The following SACM1L variants were observed in gnomAD, a reference collection of about 807,000 sequenced individuals.
SACM1L encodes SAC1 like phosphatidylinositide phosphatase, also known as phosphatidylinositol-3-phosphatase SAC1.
A neutral mutation model predicts 89.5 loss-of-function variants in SACM1L; 32 were observed. The observed-to-expected ratio is 0.36, with a 90% CI of 0.27 to 0.48. SACM1L has a LOEUF of 0.48. SACM1L is among the 20% of genes least tolerant of loss of function. SACM1L has a pLI of 0.99. For synonymous variants in SACM1L, 213 were observed against 232.8 expected (o/e 0.92, Z 0.77); for missense variants, 543 against 708.5 (o/e 0.77, Z 2.65).
intron 5 of SACM1L, among the ~76,000 whole-genome samples, chr3:45,711,448 G>C (rs896801080): frequency 1.3e-5 from 2 of 152,034 alleles, no homozygotes; most frequent in Non-Finnish European, 2.9e-5. Context: ...GCAACATAGG[G>C]AGACCACAGC....
rs553252787 is a variant in SACM1L, at chr3:45,744,856, C to T, written c.*1187C>T. The stretch of plus-strand genomic sequence containing the variant: ...ATAATTACCACTATTTTAAATAATT[C>T]AGTTAAACACTGCTGCAATATTTCA... On this transcript the variant is annotated 3_prime_UTR_variant, in exon 20 of 20. Transcript: ENST00000389061. 6.8e-6 allele frequency: 1 copy of T among 147,688 alleles called. No homozygotes were observed. The highest frequency in any genetic ancestry group is 2.5e-5 in the African/African-American group (1 of 39,908). The allele number at this position is 147,688 out of a possible 1,614,324, so 9.1% of individuals were successfully genotyped here.
intron 19 of SACM1L, among the ~76,000 whole-genome samples, chr3:45,742,067 A>C (rs963804988): frequency 1.3e-5 from 2 of 152,194 alleles, no homozygotes; most frequent in African/African-American, 4.8e-5. Flanking sequence ...GACTATACCC[A>C]CATTTACTTA....
Position 45,723,561 on chromosome 3 carries a change from C to A in SACM1L, c.921+18C>A. On this transcript the variant is annotated intron_variant, in intron 11 of 19. Transcript: ENST00000389061. ...TCAATCTGGTATGTTTCTTATGTTT[C>A]TTGGGGGGAAAAAAAAGCCTTAACT... is the stretch of plus-strand genomic sequence containing the variant. The A allele has an allele frequency of 3.0e-6, 4 of 1,312,374 alleles. No individual in the cohort carries two copies. Among genetic ancestry groups the A allele is most frequent in the South Asian group, 3.2e-5 (2 of 62,332 alleles). The allele number at this position is 1,312,374 out of a possible 1,614,324, so 81.3% of individuals were successfully genotyped here. A position where few individuals can be genotyped will look rare whatever the true frequency, so the allele number is the denominator to read the frequency against.
chr3:45,735,167 A>ATT (rs773744329), intron 13 of SACM1L, 68 bp from the exon 14 acceptor site: 2 of 1,405,700 alleles, frequency 1.4e-6, no homozygotes, highest in South Asian at 2.7e-5. Flanking sequence ...GACCCATGTT[A>ATT]TAAGAGTTAA....
chr3:45,728,340 C>A (rs963335554), intron 11 of SACM1L, among the ~76,000 whole-genome samples: 4 of 152,048 alleles, frequency 2.6e-5, no homozygotes, highest in Admixed American at 1.3e-4. Flanking sequence ...TTCTGTGTGT[C>A]CTATAGCTTT....
At chr3:45,724,662 T>C (rs767978132) in intron 11 of SACM1L, among the ~76,000 whole-genome samples, 1 of 152,210 alleles carries the variant, frequency 6.6e-6, no homozygotes, top group African/African-American at 2.4e-5. Flanking sequence ...AGTTTTTCTT[T>C]TGTTGCCTCT....
Position 45,689,520 on chromosome 3 carries a change from C to A in SACM1L, c.32+23C>A, listed in dbSNP as rs748917866. ...GCTGTGAGTCCCACGGGCCAGAGGC[C>A]TGAGGCGCGGCGGGCGGGGCGGCAG... On this transcript the variant is annotated intron_variant, in intron 1 of 19. Coordinates refer to ENST00000389061, the MANE Select transcript of SACM1L (RefSeq NM_014016.5). 3.2e-6 allele frequency: 5 copies of A among 1,566,176 alleles called. No individual in the cohort carries two copies. In the South Asian group the frequency reaches 5.9e-5, roughly 18 times the overall value.
At chr3:45,743,512 T>A in intron 19 of SACM1L, 21 bp from the exon 20 acceptor site, 2 of 1,593,634 alleles carry the variant, frequency 1.3e-6, no homozygotes, top group Non-Finnish European at 1.7e-6. Context: ...TATTTAGCTT[T>A]TTGTTTCTTA....
intron 1 of SACM1L, among the ~76,000 whole-genome samples, chr3:45,693,182 G>A (rs185389677): frequency 1.3e-5 from 2 of 152,204 alleles, no homozygotes; most frequent in East Asian, 1.9e-4. Context: ...GTAAATATAC[G>A]GTATTATAAG....
intron 11 of SACM1L, among the ~76,000 whole-genome samples, chr3:45,727,697 A>G (rs1698954011): frequency 6.6e-6 from 1 of 151,982 alleles, no homozygotes; most frequent in South Asian, 2.1e-4. Context: ...CCTGGTTTGC[A>G]CCATTCTCCT....
chr3:45,725,963 T>C (rs990271883), intron 11 of SACM1L, among the ~76,000 whole-genome samples: 9 of 151,860 alleles, frequency 5.9e-5, no homozygotes, highest in African/African-American at 2.2e-4. Flanking sequence ...TGCTCGTTTG[T>C]TTTTTTTCCC....
chr3:45,722,303 G>T (rs1490716913), intron 9 of SACM1L, among the ~76,000 whole-genome samples: 5 of 152,044 alleles, frequency 3.3e-5, no homozygotes, highest in Non-Finnish European at 5.9e-5. Flanking sequence ...CTAGAGGAGA[G>T]GGTAGGCTAG....
chr3:45,710,349 T>G (rs1042520374), intron 5 of SACM1L, among the ~76,000 whole-genome samples: 1 of 151,960 alleles, frequency 6.6e-6, no homozygotes, highest in Non-Finnish European at 1.5e-5. Flanking sequence ...TACAGGCGTG[T>G]GCTAACACGC....
intron 4 of SACM1L, 149 bp from the exon 5 acceptor site, chr3:45,709,349 G>GA (rs1698469839): frequency 6.4e-6 from 4 of 628,764 alleles, no homozygotes; most frequent in Non-Finnish European, 1.1e-5. Context: ...ACATCCCAGG[G>GA]AAATGGCGAG....
At chr3:45,731,946 A>T (rs892309484) in intron 12 of SACM1L, 107 bp from the exon 13 acceptor site, 109 of 645,682 alleles carry the variant, frequency 1.7e-4, no homozygotes, top group Non-Finnish European at 2.8e-4. Context: ...TTCCCAAGAA[A>T]TATGTATGCA....
Position 45,743,804 on chromosome 3 carries a change from A to G in SACM1L, c.*135A>G, listed in dbSNP as rs181892652. 5.7e-4 allele frequency: 475 copies of G among 840,218 alleles called. 1 individual carries two copies. Among genetic ancestry groups the G allele is most frequent in the Admixed American group, 1.4e-3 (46 of 33,938 alleles). The allele number at this position is 840,218 out of a possible 1,614,324, so 52.0% of individuals were successfully genotyped here. ...CAAAAGCACATCTTGTGCTCCATGCAGGATGATGACAGAATTGATCTGATG... is the reference window on the plus strand; with the variant it reads ...CAAAAGCACATCTTGTGCTCCATGCGGGATGATGACAGAATTGATCTGATG... On this transcript the variant is annotated 3_prime_UTR_variant, in exon 20 of 20. Coordinates refer to ENST00000389061, the MANE Select transcript of SACM1L (RefSeq NM_014016.5).
chr3:45,714,194 T>C, intron 7 of SACM1L, 115 bp downstream of exon 7: 1 of 514,676 alleles, frequency 1.9e-6, no homozygotes. Flanking sequence ...TCAGAATTAA[T>C]ATAAATTGCT....
intron 1 of SACM1L, among the ~76,000 whole-genome samples, chr3:45,700,996 G>A (rs779093496): frequency 9.2e-5 from 14 of 152,186 alleles, no homozygotes; most frequent in Non-Finnish European, 1.3e-4. Context: ...ATGGAGAGAA[G>A]GCTGAGAATG....
In SACM1L at chr3:45,722,933, A is replaced by G. The variant is rs1352339515; in HGVS notation, c.830A>G (p.Gln277Arg). ...AACCTCAAGTACAAACCACTGCCACAGATCAGCAAAGTAGCAAATCACGTG... is the reference window on the plus strand; with the variant it reads ...AACCTCAAGTACAAACCACTGCCACGGATCAGCAAAGTAGCAAATCACGTG... The part of the protein sequence containing the change: ...RPNLKYKPLP[Q>R]ISKVANHMDG... The change falls in exon 10 of 20, where the codon CAG becomes CGG. Residue 277 changes from glutamine (Q) to arginine (R), a missense_variant. By Grantham distance (43) the Gln-to-Arg change is conservative. This residue lies in a region of SACM1L where 370 missense variants were observed against 527.6 expected (regional missense o/e 0.70). Coordinates refer to ENST00000389061, the MANE Select transcript of SACM1L (RefSeq NM_014016.5). The G allele has an allele frequency of 6.2e-7, 1 of 1,613,678 alleles. No individual in the cohort carries two copies. The highest frequency in any genetic ancestry group is 8.5e-7 in the Non-Finnish European group (1 of 1,179,680).
Sources: gnomAD v4.1 joint callset for allele counts (sites outside exome capture counted in the v4.1 genomes callset) on GRCh38, gnomAD v4.1.1 for gene constraint, gnomAD v4.1.1 regional missense constraint, MANE v1.5 for transcripts, NCBI Gene and HGNC (gene_info 2026-07-23, HGNC 2026-07-21) for gene names.